Variants in SUSD5 observed in about 807,000 individuals in gnomAD.
SUSD5 encodes the protein sushi domain-containing protein 5.
Under a neutral mutation model 29.5 loss-of-function variants are expected in SUSD5, and 33 were observed. That is an observed-to-expected ratio of 1.12 (90% CI 0.85 to 1.49). The LOEUF (loss-of-function observed/expected upper bound fraction) is 1.49, where lower values mean the gene tolerates loss of function less well. Ranked by LOEUF, SUSD5 falls within the 40% of genes most tolerant of loss-of-function variation. The pLI is 0.00. For synonymous variants in SUSD5, 308 were observed against 325.3 expected (o/e 0.95, Z 0.57); for missense variants, 776 against 800.6 (o/e 0.97, Z 0.37).
chr3:33,178,862 T>C (rs1376034724), intron 3 of SUSD5, among the ~76,000 whole-genome samples: 17 of 152,244 alleles, frequency 1.1e-4, no homozygotes. Flanking sequence ...AAAATTGGCA[T>C]AATTTCTGCC....
intron 3 of SUSD5, among the ~76,000 whole-genome samples, chr3:33,191,066 T>C (rs79526287): frequency 0.011 from 1,694 of 152,226 alleles, 21 homozygotes; most frequent in African/African-American, 0.035. Flanking sequence ...CTCCTAAATC[T>C]TACTGGGTTT....
At chr3:33,202,560 G>A (rs1037168639) in intron 3 of SUSD5, among the ~76,000 whole-genome samples, 1 of 152,136 alleles carries the variant, frequency 6.6e-6, no homozygotes, top group Admixed American at 6.5e-5. Context: ...TCTTAGATGG[G>A]GAGAAACAGA....
intron 3 of SUSD5, among the ~76,000 whole-genome samples, chr3:33,187,768 A>C (rs945751274): frequency 4.6e-5 from 7 of 151,396 alleles, no homozygotes; most frequent in Non-Finnish European, 1.0e-4. Context: ...TCGTCATTTA[A>C]CGTTAGGTAT....
intron 3 of SUSD5, among the ~76,000 whole-genome samples, chr3:33,201,717 AC>A (rs2032120556): frequency 6.6e-6 from 1 of 152,036 alleles, no homozygotes; most frequent in African/African-American, 2.4e-5. Flanking sequence ...GGCCTACCCA[AC>A]AGCTACTCAA....
Position 33,183,930 on chromosome 3 carries a change from C to CTTTTTTTTTTTTTTTTTTTT in SUSD5, c.410-8876_410-8857dup, listed in dbSNP as rs68055129. On this transcript the variant is annotated intron_variant, in intron 3 of 4. Transcript: ENST00000309558. ...AACACTTTAAATATTTTATTACCCT[C>CTTTTTTTTTTTTTTTTTTTT]TTTTTTTTTTTTTTTTTTTTTTTTT... is the stretch of plus-strand genomic sequence containing the variant. 1.5e-3 allele frequency among the ~76,000 whole-genome samples: 91 copies of CTTTTTTTTTTTTTTTTTTTT among 62,602 alleles called. 11 individuals carry two copies. Among genetic ancestry groups the CTTTTTTTTTTTTTTTTTTTT allele is most frequent in the African/African-American group, 5.9e-3 (79 of 13,308 alleles). 41.1% of individuals were successfully genotyped at this position (62,602 alleles called of 152,430 possible).
intron 4 of SUSD5, among the ~76,000 whole-genome samples, chr3:33,158,566 C>T (rs1346900745): frequency 6.6e-6 from 1 of 152,226 alleles, no homozygotes; most frequent in Non-Finnish European, 1.5e-5. Flanking sequence ...AGAAGCTTGG[C>T]ATTCCACATG....
chr3:33,162,690 C>T (rs1314800268), intron 4 of SUSD5, among the ~76,000 whole-genome samples: 6 of 152,104 alleles, frequency 3.9e-5, no homozygotes, highest in Admixed American at 6.5e-5. Flanking sequence ...TGGTGGCTTG[C>T]GCCTGTAATC....
At chr3:33,214,228 A>G in intron 1 of SUSD5, 123 bp from the exon 2 acceptor site, 1 of 829,074 alleles carries the variant, frequency 1.2e-6, no homozygotes, top group South Asian at 2.1e-5. Flanking sequence ...CAAGTGCAGC[A>G]ACTACCACAT....
chr3:33,193,930 A>G (rs146096727), intron 3 of SUSD5, among the ~76,000 whole-genome samples: 5 of 152,274 alleles, frequency 3.3e-5, no homozygotes, highest in Non-Finnish European at 7.4e-5. Context: ...AAAACTAACA[A>G]AGTGGCCACA....
At chr3:33,211,664 T>C (rs1034752839) in intron 2 of SUSD5, among the ~76,000 whole-genome samples, 4 of 152,222 alleles carry the variant, frequency 2.6e-5, no homozygotes, top group Admixed American at 6.5e-5. Flanking sequence ...TCTACCAAAG[T>C]AGTTCTTGGT....
At chr3:33,164,486 G>A (rs1232811887) in intron 4 of SUSD5, among the ~76,000 whole-genome samples, 2 of 152,074 alleles carry the variant, frequency 1.3e-5, no homozygotes, top group African/African-American at 4.8e-5. Flanking sequence ...TAAATTTTAT[G>A]TTATGTGGTT....
At chr3:33,206,994 T>C (rs1435389478) in intron 3 of SUSD5, among the ~76,000 whole-genome samples, 1 of 152,022 alleles carries the variant, frequency 6.6e-6, no homozygotes, top group African/African-American at 2.4e-5. Context: ...GAAGCTTGCT[T>C]CTCCCTCCCC....
rs151280920 is a variant in SUSD5 at position 33,209,637 on chromosome 3, T to C, written c.291-1711A>G. Among the ~76,000 whole-genome samples, 120 of 151,356 alleles carry C rather than the reference T, an allele frequency of 7.9e-4. 2 individuals are homozygous for C. Among genetic ancestry groups the C allele is most frequent in the African/African-American group, 2.8e-3 (114 of 41,282 alleles). ...CTTCCTTCCTTCCTTTTCTTTTCTT[T>C]CTCTCTCTTCTTTCTTTCTTTTCTT... On this transcript the variant is annotated intron_variant, in intron 2 of 4. Transcript: ENST00000309558.
Position 33,153,924 on chromosome 3 carries a change from A to AC in SUSD5, c.707dup (p.Gln237SerfsTer6), listed in dbSNP as rs758384272. 6.2e-7 allele frequency: 1 copy of AC among 1,613,824 alleles called. No individual in the cohort carries two copies. Among genetic ancestry groups the AC allele is most frequent in the South Asian group, 1.1e-5 (1 of 91,080 alleles). ...GAGCCTCCTCAGAGGAGTCTCCCTG[A>AC]CCCCTGTCCTCATCTGCCTCTGTCC... On this transcript the variant is annotated frameshift_variant, in exon 5 of 5. Transcript: ENST00000309558. LOFTEE classifies it low-confidence loss of function (END_TRUNC).
Position 33,180,567 on chromosome 3 carries a change from C to T in SUSD5, c.410-5493G>A, listed in dbSNP as rs898503846. On this transcript the variant is annotated intron_variant, in intron 3 of 4. Transcript: ENST00000309558. Reference sequence around the variant, plus strand: ...TTTGGCCAGGTGCAGTGGCTCATGCCTGTAATCCCAACACTTTGGAAGGCT... The same window carrying T: ...TTTGGCCAGGTGCAGTGGCTCATGCTTGTAATCCCAACACTTTGGAAGGCT... Among the ~76,000 whole-genome samples, 6 of 152,082 alleles carry T rather than the reference C, an allele frequency of 3.9e-5. No individual in the cohort carries two copies. In the East Asian group the frequency reaches 7.7e-4, roughly 20 times the overall value.
intron 4 of SUSD5, among the ~76,000 whole-genome samples, chr3:33,158,724 G>T (rs930789173): frequency 6.6e-6 from 1 of 152,162 alleles, no homozygotes; most frequent in Non-Finnish European, 1.5e-5. Flanking sequence ...TGCTGTTGAG[G>T]ATGAATATCC....
At chr3:33,158,634 A>G (rs980521859) in intron 4 of SUSD5, among the ~76,000 whole-genome samples, 1 of 152,214 alleles carries the variant, frequency 6.6e-6, no homozygotes, top group African/African-American at 2.4e-5. Context: ...TAATTAAAGA[A>G]AAGAACATAT....
At chr3:33,199,911 T>TA (rs2032077122) in intron 3 of SUSD5, among the ~76,000 whole-genome samples, 1 of 152,170 alleles carries the variant, frequency 6.6e-6, no homozygotes, top group Non-Finnish European at 1.5e-5. Flanking sequence ...CTGGTACCAT[T>TA]ATAAAAGGGT....
At chr3:33,171,774 C>T (rs1050627969) in intron 4 of SUSD5, among the ~76,000 whole-genome samples, 1 of 152,196 alleles carries the variant, frequency 6.6e-6, no homozygotes, top group Admixed American at 6.6e-5. Context: ...CCAACGCATA[C>T]ATGTTAGCTT....
Sources: gnomAD v4.1 joint callset for allele counts (sites outside exome capture counted in the v4.1 genomes callset) on GRCh38, gnomAD v4.1.1 for gene constraint, MANE v1.5 for transcripts, NCBI Gene and HGNC (gene_info 2026-07-23, HGNC 2026-07-21) for gene names.